Variants in CPNE4 observed in about 807,000 individuals in gnomAD.
CPNE4 encodes the protein copine-4.
In CPNE4, 25 loss-of-function variants were observed where a neutral mutation model predicts 67.9. The observed-to-expected ratio is 0.37, with a 90% confidence interval of 0.27 to 0.51. The LOEUF is 0.51. CPNE4 is among the 20% of genes least tolerant of loss of function. The pLI, the probability that CPNE4 is intolerant of heterozygous loss-of-function variation, is 0.93. For missense variants in CPNE4, 464 were observed against 690.8 expected, an observed-to-expected ratio of 0.67 and a Z score of 3.68; for synonymous variants, 242 against 244.9, an observed-to-expected ratio of 0.99 and a Z score of 0.11.
chr3:131,978,701 T>C (rs2072821504), intron 1 of CPNE4, among the ~76,000 whole-genome samples: 1 of 149,214 alleles, frequency 6.7e-6, no homozygotes, highest in African/African-American at 2.5e-5. Context: ...TTAGTTCTGC[T>C]CTGATCTTGG....
intron 2 of CPNE4, among the ~76,000 whole-genome samples, chr3:131,851,346 G>A (rs1307726832): frequency 2.0e-5 from 3 of 152,024 alleles, no homozygotes; most frequent in African/African-American, 7.2e-5. Context: ...TCCAAAGGCT[G>A]ATTTGAAGAA....
chr3:131,844,169 T>C (rs1401304992), intron 2 of CPNE4, among the ~76,000 whole-genome samples: 1 of 152,098 alleles, frequency 6.6e-6, no homozygotes, highest in Non-Finnish European at 1.5e-5. Context: ...AAATGTCTGC[T>C]CACTCTCTAA....
intron 2 of CPNE4, among the ~76,000 whole-genome samples, chr3:131,780,608 A>G (rs1334944869): frequency 6.6e-6 from 1 of 152,054 alleles, no homozygotes; most frequent in African/African-American, 2.4e-5. Flanking sequence ...TATAAGTGGG[A>G]GCTAAACACT....
At chr3:131,544,872 C>T (rs1935736895) in intron 14 of CPNE4, among the ~76,000 whole-genome samples, 2 of 152,166 alleles carry the variant, frequency 1.3e-5, no homozygotes, top group Admixed American at 6.5e-5. Flanking sequence ...CCTCTACCTT[C>T]CCCTAACTCC....
At chr3:131,741,150 A>C (rs1429050781) in intron 2 of CPNE4, among the ~76,000 whole-genome samples, 3 of 152,148 alleles carry the variant, frequency 2.0e-5, no homozygotes, top group African/African-American at 7.2e-5. Flanking sequence ...CATAATGTAA[A>C]TTCTACTGTA....
chr3:131,861,533 C>A (rs559575599), intron 2 of CPNE4, among the ~76,000 whole-genome samples: 1 of 151,862 alleles, frequency 6.6e-6, no homozygotes, highest in Admixed American at 6.6e-5. Flanking sequence ...CGGGTTCAAG[C>A]GGTTCTCCTG....
chr3:131,952,500 C>A (rs538817340), intron 1 of CPNE4, among the ~76,000 whole-genome samples: 1 of 98,860 alleles, frequency 1.0e-5, no homozygotes, highest in African/African-American at 2.8e-5. Flanking sequence ...CCAGGCCAGC[C>A]GCCCCATCCG....
At chr3:131,751,531 A>G (rs1168819394) in intron 2 of CPNE4, among the ~76,000 whole-genome samples, 1 of 123,992 alleles carries the variant, frequency 8.1e-6, no homozygotes, top group Non-Finnish European at 1.8e-5. Flanking sequence ...TGAGGTTTTC[A>G]TTTTATTTTC....
intron 7 of CPNE4, among the ~76,000 whole-genome samples, chr3:131,645,402 C>G (rs1022335481): frequency 6.6e-6 from 1 of 152,134 alleles, no homozygotes; most frequent in African/African-American, 2.4e-5. Flanking sequence ...TCTTAATTAT[C>G]TATCATAACA....
chr3:131,794,098 C>T (rs189073239), intron 2 of CPNE4, among the ~76,000 whole-genome samples: 18 of 152,292 alleles, frequency 1.2e-4, no homozygotes, highest in Admixed American at 1.2e-3. Flanking sequence ...ACATGCCATG[C>T]AAACAGGAGT....
chr3:131,878,035 A>G (rs2087526429), intron 2 of CPNE4, among the ~76,000 whole-genome samples: 1 of 152,224 alleles, frequency 6.6e-6, no homozygotes, highest in Non-Finnish European at 1.5e-5. Flanking sequence ...TACTGCTGAG[A>G]GTGCATATTG....
chr3:131,809,756 T>G (rs1396351994), intron 2 of CPNE4, among the ~76,000 whole-genome samples: 3 of 152,092 alleles, frequency 2.0e-5, no homozygotes, highest in Non-Finnish European at 4.4e-5. Context: ...ATTGTAGAGA[T>G]TTGCAAATGT....
chr3:131,779,343 C>A (rs1271437251), intron 2 of CPNE4, among the ~76,000 whole-genome samples: 1 of 151,952 alleles, frequency 6.6e-6, no homozygotes, highest in Non-Finnish European at 1.5e-5. Context: ...ATCTAAAATT[C>A]ATTTGGAACC....
At chr3:131,736,912 T>C (rs1165451994) in intron 2 of CPNE4, among the ~76,000 whole-genome samples, 1 of 152,110 alleles carries the variant, frequency 6.6e-6, no homozygotes, top group Non-Finnish European at 1.5e-5. Context: ...AATCAGAAAA[T>C]TAATCTCAAC....
At chr3:131,566,951 G>A (rs554391635) in intron 10 of CPNE4, among the ~76,000 whole-genome samples, 1 of 151,836 alleles carries the variant, frequency 6.6e-6, no homozygotes, top group African/African-American at 2.4e-5. Context: ...TGAATCATTG[G>A]CAGGTGTTGC....
chr3:131,655,008 A>G (rs938057031), intron 7 of CPNE4, among the ~76,000 whole-genome samples: 2 of 152,180 alleles, frequency 1.3e-5, no homozygotes, highest in Admixed American at 6.5e-5. Flanking sequence ...AGAGTCTTTG[A>G]GTAATTGAAT....
At chr3:131,805,482 C>A (rs2084273594) in intron 2 of CPNE4, among the ~76,000 whole-genome samples, 1 of 152,156 alleles carries the variant, frequency 6.6e-6, no homozygotes, top group South Asian at 2.1e-4. Flanking sequence ...CAAATTCGAT[C>A]CTCATTTATT....
chr3:131,701,455 A>G lies in CPNE4; in HGVS notation c.361-1475T>C, dbSNP rs6801919. 8.4e-3 allele frequency among the ~76,000 whole-genome samples: 1,282 copies of G among 152,332 alleles called. 24 individuals carry two copies. Among genetic ancestry groups the G allele is most frequent in the African/African-American group, 0.029 (1,221 of 41,572 alleles). On this transcript the variant is annotated intron_variant, in intron 3 of 15. Transcript: ENST00000429747. Reference sequence around the variant, plus strand: ...AATAATACAAAAGTGATGGGATATCACTTCTGAGAATAGGTTACAAAATGA... The same window carrying G: ...AATAATACAAAAGTGATGGGATATCGCTTCTGAGAATAGGTTACAAAATGA...
Position 132,034,616 on chromosome 3 carries a change from G to A in CPNE4, c.-51C>T. The stretch of plus-strand genomic sequence containing the variant: ...GGAGAGAGAATTCAGCCCGGGACGA[G>A]GTCTGTCCCGCCCCCAGGATGCAAA... On this transcript the variant is annotated 5_prime_UTR_variant, in exon 1 of 16. Coordinates refer to ENST00000429747, the MANE Select transcript of CPNE4 (RefSeq NM_130808.3). 1.3e-5 allele frequency: 13 copies of A among 985,466 alleles called. No individual in the cohort carries two copies. The highest frequency in any genetic ancestry group is 1.4e-5 in the Non-Finnish European group (12 of 830,044). 61.0% of individuals were successfully genotyped at this position (985,466 alleles called of 1,614,324 possible). A position where few individuals can be genotyped will look rare whatever the true frequency, so the allele number is the denominator to read the frequency against.
Sources: gnomAD v4.1 joint callset for allele counts (sites outside exome capture counted in the v4.1 genomes callset) on GRCh38, gnomAD v4.1.1 for gene constraint, MANE v1.5 for transcripts, NCBI Gene and HGNC (gene_info 2026-07-23, HGNC 2026-07-21) for gene names.